The following MYBPC2 variants were observed in gnomAD, a reference collection of about 807,000 sequenced individuals.
MYBPC2 encodes the protein myosin binding protein C2, also known as myosin-binding protein C, fast-type.
Under a neutral mutation model 137.0 loss-of-function variants are expected in MYBPC2, and 122 were observed. The observed-to-expected ratio is 0.89, with a 90% CI of 0.77 to 1.03. MYBPC2 has a LOEUF of 1.03. MYBPC2 is among the 50% of genes least tolerant of loss of function. The pLI is 0.00. For missense variants in MYBPC2, 1,500 were observed against 1,534.4 expected (o/e 0.98, Z 0.37); for synonymous variants, 626 against 612.3 (o/e 1.02, Z -0.33).
Position 50,465,745 on chromosome 19 carries a change from T to G in MYBPC2, c.3416-450T>G, listed in dbSNP as rs565810713. Among the ~76,000 whole-genome samples the G allele has an allele frequency of 4.5e-4, 68 of 152,178 alleles. No homozygotes were observed. In the East Asian group the frequency reaches 0.012, roughly 26 times the overall value. On this transcript the variant is annotated intron_variant, in intron 27 of 27. Coordinates refer to ENST00000357701, the MANE Select transcript of MYBPC2 (RefSeq NM_004533.4). This position sits in a 1 kb window ranked among gnomAD's most constrained non-coding sequence, Gnocchi z 4.5. Reference sequence around the variant, plus strand: ...CTGTTGTCCCAGCTACCTGGGGGGCTGGGGCAGGAGGATCACTTGAACCAG... The same window carrying G: ...CTGTTGTCCCAGCTACCTGGGGGGCGGGGGCAGGAGGATCACTTGAACCAG...
rs558097971 is a variant in MYBPC2 at position 50,459,953 on chromosome 19, G to A, written c.2792-87G>A. The A allele has an allele frequency of 6.2e-4, 946 of 1,521,892 alleles. 11 individuals are homozygous for A. In the African/African-American group the frequency reaches 0.012, roughly 19 times the overall value. 94.3% of individuals were successfully genotyped at this position (1,521,892 alleles called of 1,614,324 possible). On this transcript the variant is annotated intron_variant, in intron 23 of 27. Coordinates refer to ENST00000357701, the MANE Select transcript of MYBPC2 (RefSeq NM_004533.4). ...GGGGCATAAGAGAGGTTAGAATCAG[G>A]AGGGAGGGGGTGTGGAGAGGGGAGG...
At position 50,435,367 on chromosome 19, in the gene MYBPC2, A is replaced by T; in HGVS notation, c.109+117A>T. The stretch of plus-strand genomic sequence containing the variant: ...CTTGAATCTGTCCCCGCACAGCCCC[A>T]GGGCTGACCCACGCCTCCCGTGCTC... On this transcript the variant is annotated intron_variant, in intron 2 of 27. Coordinates refer to ENST00000357701, the MANE Select transcript of MYBPC2 (RefSeq NM_004533.4). This position sits in a 1 kb window ranked among gnomAD's most constrained non-coding sequence, Gnocchi z 4.8. The T allele has an allele frequency of 1.5e-6, 1 of 663,952 alleles. No individual in the cohort carries two copies. Among genetic ancestry groups the T allele is most frequent in the Non-Finnish European group, 2.7e-6 (1 of 363,932 alleles). The allele number at this position is 663,952 out of a possible 1,614,324, so 41.1% of individuals were successfully genotyped here. A position where few individuals can be genotyped will look rare whatever the true frequency, so the allele number is the denominator to read the frequency against.
intron 13 of MYBPC2, among the ~76,000 whole-genome samples, chr19:50,449,377 C>G (rs1201525530): frequency 1.4e-4 from 21 of 152,184 alleles, no homozygotes; most frequent in Non-Finnish European, 2.9e-5. Context: ...ATGGCACCTC[C>G]TCCTCCTCCA....
chr19:50,443,606 C>A lies in MYBPC2; in HGVS notation c.1015C>A (p.Leu339Ile), dbSNP rs1390374451. 6.2e-7 allele frequency: 1 copy of A among 1,613,500 alleles called. No homozygotes were observed. The highest frequency in any genetic ancestry group is 8.5e-7 in the Non-Finnish European group (1 of 1,179,650). ...AVKDEKCFTE[L>I]FVKEPPVLIV... ...CAAGGATGAGAAGTGTTTCACCGAGCTCTTCGTCAAAGGTGAGGCTGGAAT... is the reference window on the plus strand; with the variant it reads ...CAAGGATGAGAAGTGTTTCACCGAGATCTTCGTCAAAGGTGAGGCTGGAAT... The change falls in exon 10 of 28, where the codon CTC becomes ATC. Residue 339 changes from leucine (L) to isoleucine (I), a missense_variant. By Grantham distance (5) the Leu-to-Ile change is conservative. Coordinates refer to ENST00000357701, the MANE Select transcript of MYBPC2 (RefSeq NM_004533.4).
chr19:50,461,580 C>A lies in MYBPC2; in HGVS notation c.2970C>A (p.Ser990Arg). The change falls in exon 25 of 28, where the codon AGC becomes AGA. Residue 990 changes from serine (S) to arginine (R), a missense_variant. Transcript: ENST00000357701. ...TCTATGAACGTAACAGGCACACTAG[C>A]TGTACTGTGTCCGACCTTATCGTGG... The part of the protein sequence containing the change: ...FNVYERNRHT[S>R]CTVSDLIVGN... 2 of 1,613,854 alleles carry A rather than the reference C, an allele frequency of 1.2e-6. No individual in the cohort carries two copies. The highest frequency in any genetic ancestry group is 1.7e-6 in the Non-Finnish European group (2 of 1,179,876).
In MYBPC2 at chr19:50,466,054, A is replaced by T; in HGVS notation, c.3416-141A>T. The T allele has an allele frequency of 8.4e-7, 1 of 1,190,624 alleles. No homozygotes were observed. Among genetic ancestry groups the T allele is most frequent in the Non-Finnish European group, 1.2e-6 (1 of 840,822 alleles). 73.8% of individuals were successfully genotyped at this position (1,190,624 alleles called of 1,614,324 possible). A position where few individuals can be genotyped will look rare whatever the true frequency, so the allele number is the denominator to read the frequency against. ...GGAGCACTGTGACTCTGGGTTGTCC[A>T]GCCACAGTGGCCTAGGATGGGGCGG... On this transcript the variant is annotated intron_variant, in intron 27 of 27. Coordinates refer to ENST00000357701, the MANE Select transcript of MYBPC2 (RefSeq NM_004533.4). This position sits in a 1 kb window ranked among gnomAD's most constrained non-coding sequence, Gnocchi z 4.9.
At chr19:50,458,050 G>A (rs1362823017) in intron 20 of MYBPC2, among the ~76,000 whole-genome samples, 1 of 151,518 alleles carries the variant, frequency 6.6e-6, no homozygotes, top group Non-Finnish European at 1.5e-5. Context: ...AATGAACAAC[G>A]CCTATAATCC....
rs762250116 is a variant in MYBPC2 at position 50,448,345 on chromosome 19, T to C, written c.1427T>C (p.Val476Ala). 6.2e-7 allele frequency: 1 copy of C among 1,613,752 alleles called. No individual in the cohort carries two copies. The highest frequency in any genetic ancestry group is 2.2e-5 in the East Asian group (1 of 44,876). Residue 476 changes from valine (V) to alanine (A), a missense_variant, in exon 13 of 28, where the codon GTC becomes GCC. Val to Ala is a moderately conservative substitution (Grantham distance 64, BLOSUM62 0). Transcript: ENST00000357701. ...KVTGKWYKNG[V>A]EVRPSKRITI... The stretch of plus-strand genomic sequence containing the variant: ...ACGGGCAAGTGGTATAAGAATGGGG[T>C]CGAGGTGCGGCCCAGCAAGAGGATC...
chr19:50,457,461 TCAGA>T (rs1236843677), intron 20 of MYBPC2, among the ~76,000 whole-genome samples: 1 of 152,114 alleles, frequency 6.6e-6, no homozygotes. Flanking sequence ...GGCTGCGCCC[TCAGA>T]CAGAGCCAAG....
chr19:50,454,475 G>C, intron 18 of MYBPC2, 106 bp downstream of exon 18: 1 of 997,928 alleles, frequency 1.0e-6, no homozygotes, highest in Non-Finnish European at 1.4e-6. Context: ...GCCCAGGCTG[G>C]AGTGCAGTGG....
Position 50,437,522 on chromosome 19 carries a change from G to T in MYBPC2, c.512+1G>T, listed in dbSNP as rs192680999. On this transcript the variant is annotated splice_donor_variant, in intron 6 of 27. Coordinates refer to ENST00000357701, the MANE Select transcript of MYBPC2 (RefSeq NM_004533.4). LOFTEE classifies it high-confidence loss of function. Reference sequence around the variant, plus strand: ...AGAGTCTAGAAAGCTTCAAGCGTACGTAAGTGACCCCAGGCCCTTACCAGG... The same window carrying T: ...AGAGTCTAGAAAGCTTCAAGCGTACTTAAGTGACCCCAGGCCCTTACCAGG... The T allele has an allele frequency of 2.5e-6, 4 of 1,610,090 alleles. No individual in the cohort carries two copies. In the South Asian group the frequency reaches 4.4e-5, roughly 18 times the overall value.
intron 26 of MYBPC2, among the ~76,000 whole-genome samples, chr19:50,462,333 T>C (rs1397175077): frequency 2.0e-5 from 3 of 151,912 alleles, no homozygotes; most frequent in Non-Finnish European, 4.4e-5. Context: ...ACCACAGGCA[T>C]GAACCACTGT....
intron 5 of MYBPC2, among the ~76,000 whole-genome samples, chr19:50,437,106 G>A (rs1035537510): frequency 6.6e-6 from 1 of 152,058 alleles, no homozygotes; most frequent in Non-Finnish European, 1.5e-5. Context: ...GAGGTTACAC[G>A]GATTTGAGGG....
intron 20 of MYBPC2, among the ~76,000 whole-genome samples, chr19:50,457,361 T>C: frequency 6.6e-6 from 1 of 152,080 alleles, no homozygotes; most frequent in Non-Finnish European, 1.5e-5. Context: ...CCCATGGCCA[T>C]AAACCCAAGA....
At chr19:50,460,244 C>T in intron 24 of MYBPC2, 65 bp downstream of exon 24, 1 of 1,520,322 alleles carries the variant, frequency 6.6e-7, no homozygotes, top group Non-Finnish European at 8.8e-7. Flanking sequence ...GCAGATGTCC[C>T]CCGTTCACAG....
chr19:50,447,204 CTGAG>C (rs1319870345), intron 12 of MYBPC2, among the ~76,000 whole-genome samples: 1 of 152,052 alleles, frequency 6.6e-6, no homozygotes, highest in Non-Finnish European at 1.5e-5. Context: ...GGTCTGTGGT[CTGAG>C]TAACAGTACT....
chr19:50,434,323 C>T (rs755106658), intron 1 of MYBPC2, among the ~76,000 whole-genome samples: 1 of 152,196 alleles, frequency 6.6e-6, no homozygotes, highest in Non-Finnish European at 1.5e-5. Flanking sequence ...TGCCACTGCA[C>T]TCCAGCCTGG....
intron 7 of MYBPC2, among the ~76,000 whole-genome samples, chr19:50,439,779 T>C (rs11084015): frequency 0.05 from 7,544 of 152,310 alleles, 287 homozygotes; most frequent in East Asian, 0.14. Context: ...CAGACATAGA[T>C]ACAGACTGAG....
At chr19:50,464,681 G>A in intron 27 of MYBPC2, 149 bp downstream of exon 27, 1 of 915,326 alleles carries the variant, frequency 1.1e-6, no homozygotes, top group Non-Finnish European at 1.6e-6. Context: ...CTGTCCTGAA[G>A]GCAGCACAGG....
Sources: gnomAD v4.1 joint callset for allele counts (sites outside exome capture counted in the v4.1 genomes callset) on GRCh38, gnomAD v4.1.1 for gene constraint, Gnocchi (gnomAD v3.1) non-coding constraint, MANE v1.5 for transcripts, NCBI Gene and HGNC (gene_info 2026-07-23, HGNC 2026-07-21) for gene names.